The following SRGAP3 variants were observed in gnomAD, a reference collection of about 807,000 sequenced individuals.
The protein encoded by SRGAP3 is SLIT-ROBO Rho GTPase activating protein 3, also known as SLIT-ROBO Rho GTPase-activating protein 3.
A neutral mutation model predicts 121.1 loss-of-function variants in SRGAP3; 39 were observed. The observed-to-expected ratio is 0.32, with a 90% CI of 0.25 to 0.42. The LOEUF is 0.42. SRGAP3 is among the 10% of genes least tolerant of loss of function. The pLI, the probability that SRGAP3 is intolerant of heterozygous loss-of-function variation, is 1.00. For missense variants in SRGAP3, 1,213 were observed against 1,470.6 expected, an observed-to-expected ratio of 0.82 and a Z score of 2.86; for synonymous variants, 601 against 570.0, an observed-to-expected ratio of 1.05 and a Z score of -0.77.
intron 1 of SRGAP3, among the ~76,000 whole-genome samples, chr3:9,360,561 T>C (rs532042414): frequency 1.3e-5 from 2 of 152,322 alleles, no homozygotes; most frequent in East Asian, 1.9e-4. Flanking sequence ...ACTGGGCAAT[T>C]TGCAAAAGAA....
intron 1 of SRGAP3, among the ~76,000 whole-genome samples, chr3:9,212,917 G>C (rs1035150851): frequency 2.6e-5 from 4 of 152,226 alleles, no homozygotes; most frequent in African/African-American, 4.8e-5. Context: ...CTACAAAGCA[G>C]AAATCTCCAG....
intron 3 of SRGAP3, among the ~76,000 whole-genome samples, chr3:9,305,353 G>A (rs1432127955): frequency 2.7e-5 from 4 of 148,126 alleles, no homozygotes; most frequent in Non-Finnish European, 6.0e-5. Context: ...GCCCTCACAG[G>A]AGGTCCTCTC....
intron 1 of SRGAP3, among the ~76,000 whole-genome samples, chr3:9,242,657 C>CAAA (rs1559237343): frequency 2.0e-5 from 3 of 152,170 alleles, no homozygotes; most frequent in African/African-American, 7.2e-5. Flanking sequence ...CAAAACAAAA[C>CAAA]AAAAACACTG....
intron 9 of SRGAP3, among the ~76,000 whole-genome samples, chr3:9,049,696 A>G (rs979956865): frequency 4.6e-5 from 7 of 152,056 alleles, no homozygotes; most frequent in Admixed American, 4.6e-4. Flanking sequence ...TTCATTTGAC[A>G]CTGGAGGAGG....
At chr3:9,337,134 G>A (rs934750889) in intron 1 of SRGAP3, among the ~76,000 whole-genome samples, 4 of 152,192 alleles carry the variant, frequency 2.6e-5, no homozygotes, top group African/African-American at 9.7e-5. Flanking sequence ...CAGTCAGGCA[G>A]GCAAAGTTAC....
intron 3 of SRGAP3, among the ~76,000 whole-genome samples, chr3:9,094,896 C>G (rs753960398): frequency 6.6e-6 from 1 of 152,036 alleles, no homozygotes; most frequent in Non-Finnish European, 1.5e-5. Context: ...GCTGAGACCA[C>G]AAGCACACAC....
rs943420996 is a variant in SRGAP3, at chr3:8,983,109, A to G, written c.*2410T>C. The G allele has an allele frequency of 2.2e-5, 5 of 226,972 alleles. No individual in the cohort carries two copies. The highest frequency in any genetic ancestry group is 8.9e-5 in the African/African-American group (4 of 44,960). The allele number at this position is 226,972 out of a possible 1,614,324, so 14.1% of individuals were successfully genotyped here. The stretch of plus-strand genomic sequence containing the variant: ...TGGGAGTATCTTGAGGGTAGAAATC[A>G]GAAGTCTTGTGTCCTGGCTGGACAG... On this transcript the variant is annotated 3_prime_UTR_variant, in exon 22 of 22. Transcript: ENST00000383836.
intron 12 of SRGAP3, among the ~76,000 whole-genome samples, chr3:9,029,953 C>A (rs1490849080): frequency 4.9e-5 from 7 of 144,212 alleles, no homozygotes; most frequent in Non-Finnish European, 9.1e-5. Context: ...CCAGCCTGAA[C>A]AACATGGTAA....
rs539443453 is a variant in SRGAP3 at position 9,313,850 on chromosome 3, C to T, written n.442+12160G>A. On this transcript the variant is annotated intron_variant and non_coding_transcript_variant, in intron 3 of 3. Coordinates refer to the SRGAP3 transcript ENST00000490889. Reference sequence around the variant, plus strand: ...TCTCTACTAAAATACAAAAATTAGCCGGGTGTGGTGGCATGCGCCTGCAGT... The same window carrying T: ...TCTCTACTAAAATACAAAAATTAGCTGGGTGTGGTGGCATGCGCCTGCAGT... 8.4e-4 allele frequency among the ~76,000 whole-genome samples: 127 copies of T among 151,760 alleles called. 4 individuals carry two copies. The South Asian group carries it at 0.024, about 29-fold the overall frequency.
chr3:9,226,563 T>A (rs558404226), intron 1 of SRGAP3, among the ~76,000 whole-genome samples: 1 of 152,064 alleles, frequency 6.6e-6, no homozygotes, highest in African/African-American at 2.4e-5. Flanking sequence ...TCAGATTAGG[T>A]TTTTTGGCAA....
At chr3:9,349,392 C>T (rs1312625147) in intron 1 of SRGAP3, among the ~76,000 whole-genome samples, 3 of 152,226 alleles carry the variant, frequency 2.0e-5, no homozygotes, top group Admixed American at 6.5e-5. Flanking sequence ...CTAGTCAGAA[C>T]AGCACTTCTA....
intron 3 of SRGAP3, among the ~76,000 whole-genome samples, chr3:9,288,259 T>C (rs1199800087): frequency 2.0e-5 from 3 of 149,574 alleles, no homozygotes; most frequent in Admixed American, 1.4e-4. Context: ...TGCCTCAGCC[T>C]CCCAAGTAGC....
chr3:9,045,082 G>A (rs1032928066), intron 10 of SRGAP3, among the ~76,000 whole-genome samples: 2 of 150,776 alleles, frequency 1.3e-5, no homozygotes, highest in South Asian at 2.1e-4. Flanking sequence ...GCATACTAAT[G>A]TAAAATGTTA....
In SRGAP3 at chr3:8,982,237, A is replaced by T. The variant is rs1941455414; in HGVS notation, c.*3282T>A. On this transcript the variant is annotated 3_prime_UTR_variant, in exon 22 of 22. Coordinates refer to ENST00000383836, the MANE Select transcript of SRGAP3 (RefSeq NM_014850.4). Reference sequence around the variant, plus strand: ...GTTACACATAAAGACAAAAGGCTTGACCTCAGGATAAGTCGAAGGTTAAGA... The same window carrying T: ...GTTACACATAAAGACAAAAGGCTTGTCCTCAGGATAAGTCGAAGGTTAAGA... 1 of 226,498 alleles carries T rather than the reference A, an allele frequency of 4.4e-6. No individual in the cohort carries two copies. The highest frequency in any genetic ancestry group is 8.8e-6 in the Non-Finnish European group (1 of 113,630). 14.0% of individuals were successfully genotyped at this position (226,498 alleles called of 1,614,324 possible).
At chr3:9,003,798 G>C (rs772667965) in intron 18 of SRGAP3, among the ~76,000 whole-genome samples, 4 of 152,106 alleles carry the variant, frequency 2.6e-5, no homozygotes, top group Non-Finnish European at 5.9e-5. Flanking sequence ...AACATCATAC[G>C]TAACAGTGAA....
intron 1 of SRGAP3, among the ~76,000 whole-genome samples, chr3:9,162,867 G>C (rs1463011521): frequency 6.6e-6 from 1 of 152,214 alleles, no homozygotes. Flanking sequence ...CTCCAAAAGG[G>C]GCAAGCCAGT....
intron 1 of SRGAP3, chr3:9,349,242 C>T (rs71314339): frequency 3.5e-6 from 2 of 576,786 alleles, no homozygotes; most frequent in South Asian, 1.6e-5. Flanking sequence ...CTGCCCATCG[C>T]GTCCCCCTGC....
rs536900142 is a variant in SRGAP3, at chr3:9,228,581, C to T, written c.67+20304G>A. On this transcript the variant is annotated intron_variant, in intron 1 of 21. Coordinates refer to ENST00000383836, the MANE Select transcript of SRGAP3 (RefSeq NM_014850.4). Reference sequence around the variant, plus strand: ...TTACACTAGCCAGCTCCTGGATGCACGGCAGGCACCCTATGGAGGGGTGCT... The same window carrying T: ...TTACACTAGCCAGCTCCTGGATGCATGGCAGGCACCCTATGGAGGGGTGCT... Among the ~76,000 whole-genome samples, 433 of 152,264 alleles carry T rather than the reference C, an allele frequency of 2.8e-3. 1 individual carries two copies. The highest frequency in any genetic ancestry group is 6.8e-3 in the Middle Eastern group (2 of 294).
At chr3:9,151,755 T>C (rs745603874) in intron 1 of SRGAP3, among the ~76,000 whole-genome samples, 1 of 151,842 alleles carries the variant, frequency 6.6e-6, no homozygotes, top group South Asian at 2.1e-4. Flanking sequence ...CATGGTAGGG[T>C]TGAATTGTCT....
Sources: allele counts gnomAD v4.1 joint callset (sites outside exome capture counted in the v4.1 genomes callset), GRCh38; gene constraint gnomAD v4.1.1; transcripts MANE v1.5; gene names NCBI Gene and HGNC (gene_info 2026-07-23, HGNC 2026-07-21).